The following NRG4 variants were observed in gnomAD, a reference collection of about 807,000 sequenced individuals.
NRG4 encodes the protein pro-neuregulin-4, membrane-bound isoform.
NRG4 carries 10 observed loss-of-function variants against 15.0 expected under a neutral mutation model. The observed-to-expected ratio is 0.67, with a 90% CI of 0.41 to 1.13. The LOEUF is 1.13. Among genes scored for constraint, NRG4 ranks in the 50% most tolerant of loss-of-function variants. NRG4 has a pLI of 0.00. For synonymous variants in NRG4, 41 were observed against 50.1 expected (o/e 0.82, Z 0.77); for missense variants, 139 against 140.2 (o/e 0.99, Z 0.04).
Position 76,046,321 on chromosome 15 carries a change from C to T in NRG4, c.-105+5746G>A, listed in dbSNP as rs569844072. ...AATGCAATCTCTATCAAAATGCGAA[C>T]GGCGTTCTTTATAAAAATAGGAAAA... is the stretch of plus-strand genomic sequence containing the variant. On this transcript the variant is annotated intron_variant, in intron 4 of 8. Transcript: ENST00000563910. 3.2e-4 allele frequency among the ~76,000 whole-genome samples: 49 copies of T among 151,082 alleles called. 1 individual carries two copies. Among genetic ancestry groups the T allele is most frequent in the Non-Finnish European group, 3.4e-4 (23 of 67,850 alleles).
rs1303426760 is a variant in NRG4, at chr15:75,977,610, C to G, written c.105-15636G>C. Among the ~76,000 whole-genome samples the G allele has an allele frequency of 6.6e-6, 1 of 152,190 alleles. No homozygotes were observed. Among genetic ancestry groups the G allele is most frequent in the African/African-American group, 2.4e-5 (1 of 41,458 alleles). On this transcript the variant is annotated intron_variant, in intron 3 of 5. Transcript: ENST00000394907. The surrounding 1 kb of genome is among the most constrained non-coding windows in gnomAD (Gnocchi z 4.9). ...GTGCTTCCTGGGTGAGGTGACACCC[C>G]ACCCTGCTTCGGCTCACCCTCTGTG...
At chr15:75,963,777 CAAA>C (rs71140188) in intron 3 of NRG4, among the ~76,000 whole-genome samples, 217 of 102,992 alleles carry the variant, frequency 2.1e-3, no homozygotes, top group African/African-American at 7.3e-3. Context: ...GACTCCATCT[CAAA>C]AAAAAAAAAA....
intron 4 of NRG4, among the ~76,000 whole-genome samples, chr15:76,037,387 T>C (rs1022617540): frequency 6.6e-6 from 1 of 152,142 alleles, no homozygotes; most frequent in Non-Finnish European, 1.5e-5. Flanking sequence ...ATCTGTGTGC[T>C]TGGGGAGAGT....
chr15:75,955,901 T>C, intron 5 of NRG4, 31 bp downstream of exon 5: 2 of 1,288,776 alleles, frequency 1.6e-6, no homozygotes, highest in Non-Finnish European at 2.3e-6. Context: ...TCTAGGGTTT[T>C]AAAATAAGCA....
chr15:75,993,392 TA>T (rs60453624), intron 3 of NRG4, among the ~76,000 whole-genome samples: 1,607 of 72,134 alleles, frequency 0.022, 18 homozygotes, highest in Middle Eastern at 0.046. Flanking sequence ...GAGGATTCTG[TA>T]AAAAAAAAAA....
At chr15:76,031,304 C>G (rs567586663) in intron 5 of NRG4, among the ~76,000 whole-genome samples, 2 of 152,252 alleles carry the variant, frequency 1.3e-5, no homozygotes, top group South Asian at 4.1e-4. Context: ...AGATTAGAAA[C>G]AAGGCAAAGA....
intron 3 of NRG4, among the ~76,000 whole-genome samples, chr15:75,986,941 T>C (rs966502677): frequency 9.9e-5 from 15 of 152,186 alleles, no homozygotes; most frequent in African/African-American, 1.2e-4. Flanking sequence ...TTAAGAACTA[T>C]TTATTTTTGA....
intron 5 of NRG4, among the ~76,000 whole-genome samples, chr15:76,022,622 C>A (rs1256082463): frequency 6.6e-6 from 1 of 152,020 alleles, no homozygotes; most frequent in Admixed American, 6.5e-5. Flanking sequence ...GATCACAAGC[C>A]AGGAAATGTG....
chr15:75,979,954 T>C (rs76968640), intron 3 of NRG4, among the ~76,000 whole-genome samples: 3,155 of 152,286 alleles, frequency 0.021, 109 homozygotes, highest in African/African-American at 0.071. Flanking sequence ...CATGGGAGAC[T>C]TTCAGAATTA....
downstream of NRG4, chr15:75,938,600 T>G (rs1238286649): frequency 6.6e-6 from 1 of 152,094 alleles, no homozygotes; most frequent in East Asian, 1.9e-4. Flanking sequence ...ATAAAAAAAT[T>G]CTGGCAGAGA....
At chr15:76,000,929 T>C (rs1307008407) in intron 3 of NRG4, among the ~76,000 whole-genome samples, 1 of 152,198 alleles carries the variant, frequency 6.6e-6, no homozygotes, top group Non-Finnish European at 1.5e-5. Context: ...TACAGGATAG[T>C]ACATATAGCA....
At chr15:76,018,050 G>C (rs754279081) in intron 5 of NRG4, among the ~76,000 whole-genome samples, 3 of 151,608 alleles carry the variant, frequency 2.0e-5, no homozygotes, top group Non-Finnish European at 4.4e-5. Flanking sequence ...CTCTAATCTT[G>C]TCTTCACACT....
In NRG4 at chr15:75,941,940, C is replaced by CA. The variant is rs780414439; in HGVS notation, c.*1697dup. Reference sequence around the variant, plus strand: ...TTGCCACAGTAAATTTTTAAACCACCAAAAAAAAAAAAAAAAAAAAATATG... The same window carrying CA: ...TTGCCACAGTAAATTTTTAAACCACCAAAAAAAAAAAAAAAAAAAAAATATG... On this transcript the variant is annotated 3_prime_UTR_variant, in exon 6 of 6. Transcript: ENST00000394907. 2,279 of 24,868 alleles carry CA rather than the reference C, an allele frequency of 0.092. 144 individuals carry two copies. Among genetic ancestry groups the CA allele is most frequent in the African/African-American group, 0.24 (2,149 of 9,096 alleles). The allele number at this position is 24,868 out of a possible 1,614,324, so 1.5% of individuals were successfully genotyped here.
intron 5 of NRG4, among the ~76,000 whole-genome samples, chr15:76,020,621 A>T (rs2035122094): frequency 6.6e-6 from 1 of 152,206 alleles, no homozygotes; most frequent in East Asian, 1.9e-4. Context: ...ATCACAAAAA[A>T]ATCTTATAAT....
At chr15:76,026,265 C>G (rs1298481113) in intron 5 of NRG4, among the ~76,000 whole-genome samples, 1 of 152,010 alleles carries the variant, frequency 6.6e-6, no homozygotes, top group African/African-American at 2.4e-5. Flanking sequence ...TATCAAAAGT[C>G]AAAGACAAAG....
intron 5 of NRG4, among the ~76,000 whole-genome samples, chr15:76,018,068 A>G (rs1050753575): frequency 6.6e-6 from 1 of 151,792 alleles, no homozygotes; most frequent in African/African-American, 2.4e-5. Context: ...ACTTTATTTC[A>G]TTAAGTTGAT....
At chr15:75,966,536 G>A (rs2032803014) in intron 3 of NRG4, among the ~76,000 whole-genome samples, 1 of 152,118 alleles carries the variant, frequency 6.6e-6, no homozygotes, top group African/African-American at 2.4e-5. Flanking sequence ...AAGGTTAAGA[G>A]CATGGTGATC....
intron 5 of NRG4, among the ~76,000 whole-genome samples, chr15:76,024,400 G>C (rs2035245715): frequency 6.6e-6 from 1 of 152,160 alleles, no homozygotes; most frequent in African/African-American, 2.4e-5. Flanking sequence ...AACTTGAACA[G>C]ACACACACCC....
intron 5 of NRG4, among the ~76,000 whole-genome samples, chr15:75,947,171 T>G (rs1242644476): frequency 1.3e-5 from 2 of 152,218 alleles, no homozygotes; most frequent in Non-Finnish European, 2.9e-5. Context: ...TTGATTTTAC[T>G]TGTCCTCAGA....
Sources: gnomAD v4.1 joint callset for allele counts (sites outside exome capture counted in the v4.1 genomes callset) on GRCh38, gnomAD v4.1.1 for gene constraint, Gnocchi (gnomAD v3.1) non-coding constraint, MANE v1.5 for transcripts, NCBI Gene and HGNC (gene_info 2026-07-23, HGNC 2026-07-21) for gene names.